Variants in KCNIP1 observed in about 807,000 individuals in gnomAD.
The protein encoded by KCNIP1 is A-type potassium channel modulatory protein KCNIP1.
Under a neutral mutation model 33.0 loss-of-function variants are expected in KCNIP1, and 18 were observed. That is an observed-to-expected ratio of 0.55 (90% CI 0.38 to 0.81). KCNIP1 has a LOEUF of 0.81. Among genes scored for constraint, KCNIP1 ranks in the 30% least tolerant of loss-of-function variants. The pLI, the probability that KCNIP1 is intolerant of heterozygous loss-of-function variation, is 0.00. For missense variants in KCNIP1, 238 were observed against 271.6 expected (o/e 0.88, Z 0.87); for synonymous variants, 93 against 98.3 (o/e 0.95, Z 0.32).
At position 170,598,075 on chromosome 5, in the gene KCNIP1, A is replaced by G. The variant is rs540355183; in HGVS notation, c.61+93442A>G. Among the ~76,000 whole-genome samples, 5 of 152,274 alleles carry G rather than the reference A, an allele frequency of 3.3e-5. No homozygotes were observed. In the South Asian group the frequency reaches 6.2e-4, roughly 19 times the overall value. On this transcript the variant is annotated intron_variant, in intron 1 of 7. Coordinates refer to ENST00000328939, the MANE Select transcript of KCNIP1 (RefSeq NM_014592.4). ...TTGTTTAGAACTACTTCAGATCGGAACAAATCACAGCCAACTGCAGTCGCT... is the reference window on the plus strand; with the variant it reads ...TTGTTTAGAACTACTTCAGATCGGAGCAAATCACAGCCAACTGCAGTCGCT...
chr5:170,519,638 A>T (rs1055984334), intron 1 of KCNIP1, among the ~76,000 whole-genome samples: 1 of 152,166 alleles, frequency 6.6e-6, no homozygotes, highest in Non-Finnish European at 1.5e-5. Flanking sequence ...GGTAATGGAA[A>T]GACCAAAGTG....
upstream of KCNIP1, among the ~76,000 whole-genome samples, chr5:170,503,416 G>T (rs1163354735): frequency 7.3e-6 from 1 of 137,810 alleles, no homozygotes; most frequent in East Asian, 2.2e-4. Context: ...AAAAGAAAAA[G>T]AAAAATGAGA....
At chr5:170,701,335 C>T (rs911973186) in intron 1 of KCNIP1, among the ~76,000 whole-genome samples, 2 of 152,144 alleles carry the variant, frequency 1.3e-5, no homozygotes, top group East Asian at 1.9e-4. Flanking sequence ...CACCTTGGGA[C>T]TTAAATGATG....
intron 1 of KCNIP1, among the ~76,000 whole-genome samples, chr5:170,430,270 ATGC>A (rs1755712350): frequency 6.6e-6 from 1 of 152,238 alleles, no homozygotes; most frequent in African/African-American, 2.4e-5. Flanking sequence ...ATGCCAGTGC[ATGC>A]TGAAGGCCCC....
chr5:170,697,158 G>A (rs745365680), intron 1 of KCNIP1, among the ~76,000 whole-genome samples: 8 of 151,730 alleles, frequency 5.3e-5, no homozygotes, highest in East Asian at 1.9e-4. Flanking sequence ...CAGGCCCACC[G>A]TCACTCCTCA....
At chr5:170,466,118 G>A (rs1297614904) in intron 1 of KCNIP1, among the ~76,000 whole-genome samples, 1 of 152,148 alleles carries the variant, frequency 6.6e-6, no homozygotes, top group Admixed American at 6.5e-5. Context: ...CAAGTGGGGA[G>A]GTTTAAGAGA....
chr5:170,414,534 A>G (rs1197997544), intron 1 of KCNIP1, among the ~76,000 whole-genome samples: 2 of 152,186 alleles, frequency 1.3e-5, no homozygotes, highest in Admixed American at 6.5e-5. Flanking sequence ...TTTTCTGTCC[A>G]TAAATCTTTT....
At chr5:170,706,264 G>A (rs1341138849) in intron 1 of KCNIP1, among the ~76,000 whole-genome samples, 1 of 152,186 alleles carries the variant, frequency 6.6e-6, no homozygotes, top group Admixed American at 6.5e-5. Context: ...ACTGGTTTTG[G>A]AGTCTTTAGC....
chr5:170,576,469 T>C (rs1581348283), intron 1 of KCNIP1, among the ~76,000 whole-genome samples: 3 of 152,198 alleles, frequency 2.0e-5, no homozygotes, highest in Admixed American at 2.0e-4. Context: ...CATTTCTTAA[T>C]AGGTAACTGG....
At chr5:170,542,488 G>T (rs1756249987) in intron 1 of KCNIP1, among the ~76,000 whole-genome samples, 1 of 152,128 alleles carries the variant, frequency 6.6e-6, no homozygotes, top group Admixed American at 6.5e-5. Context: ...ACTCAACCCT[G>T]CATGGAAAAG....
At chr5:170,561,178 C>A in intron 1 of KCNIP1, 1 of 452,460 alleles carries the variant, frequency 2.2e-6, no homozygotes, top group Non-Finnish European at 4.4e-6. Context: ...GATGAAACAC[C>A]CATAACATTT....
intron 5 of KCNIP1, 48 bp downstream of exon 5, chr5:170,722,868 C>A: frequency 8.2e-7 from 1 of 1,226,954 alleles, no homozygotes; most frequent in Non-Finnish European, 1.2e-6. Flanking sequence ...GTGAAGGTAA[C>A]TAACCCAACA....
At chr5:170,682,313 G>T (rs1762378414) in intron 1 of KCNIP1, among the ~76,000 whole-genome samples, 1 of 152,190 alleles carries the variant, frequency 6.6e-6, no homozygotes. Context: ...TGGAATTCTA[G>T]AGTGATCCAA....
At chr5:170,417,134 A>C (rs1206002225) in intron 1 of KCNIP1, among the ~76,000 whole-genome samples, 1 of 152,214 alleles carries the variant, frequency 6.6e-6, no homozygotes, top group Non-Finnish European at 1.5e-5. Flanking sequence ...CCTCCATATA[A>C]ATGTAGCTGT....
At chr5:170,733,142 TC>T (rs1764263355) in intron 6 of KCNIP1, among the ~76,000 whole-genome samples, 3 of 152,318 alleles carry the variant, frequency 2.0e-5, no homozygotes, top group African/African-American at 4.8e-5. Context: ...GAACTCTAAA[TC>T]CATAAAAATT....
At chr5:170,518,958 A>G (rs1392148618) in intron 1 of KCNIP1, among the ~76,000 whole-genome samples, 1 of 152,082 alleles carries the variant, frequency 6.6e-6, no homozygotes, top group Non-Finnish European at 1.5e-5. Context: ...CAATGGCAGG[A>G]GGGATTACAG....
At chr5:170,431,151 G>A (rs150083978) in intron 1 of KCNIP1, among the ~76,000 whole-genome samples, 9 of 152,344 alleles carry the variant, frequency 5.9e-5, no homozygotes, top group African/African-American at 1.9e-4. Flanking sequence ...CATTTTACAA[G>A]CAATTGGGTT....
At chr5:170,588,701 T>TA (rs1384385060) in intron 1 of KCNIP1, among the ~76,000 whole-genome samples, 5 of 152,206 alleles carry the variant, frequency 3.3e-5, no homozygotes, top group Non-Finnish European at 4.4e-5. Context: ...CTGGAAGCTT[T>TA]ATCCCAAGGC....
rs916330846 is a variant in KCNIP1, at chr5:170,633,795, T to C, written c.62-84963T>C. On this transcript the variant is annotated intron_variant, in intron 1 of 7. Transcript: ENST00000328939. ...GGGCGGGGCGGGGTGTGGCTGTGCG[T>C]CTGGATAAGGGTTGTGGCTTTTATG... Among the ~76,000 whole-genome samples the C allele has an allele frequency of 2.1e-5, 3 of 143,042 alleles. No homozygotes were observed. In the Admixed American group the frequency reaches 2.1e-4, roughly 10 times the overall value. 93.8% of individuals were successfully genotyped at this position (143,042 alleles called of 152,430 possible).
Sources: gnomAD v4.1 joint callset for allele counts (sites outside exome capture counted in the v4.1 genomes callset) on GRCh38, gnomAD v4.1.1 for gene constraint, MANE v1.5 for transcripts, NCBI Gene and HGNC (gene_info 2026-07-23, HGNC 2026-07-21) for gene names.